CCND3: variants seen among roughly 807,000 people sequenced by gnomAD.
The protein encoded by CCND3 is G1/S-specific cyclin-D3.
A neutral mutation model predicts 28.7 loss-of-function variants in CCND3; 9 were observed. The observed-to-expected ratio is 0.31, with a 90% CI of 0.19 to 0.55. CCND3 has a LOEUF of 0.55. Among genes scored for constraint, CCND3 ranks in the 20% least tolerant of loss-of-function variants. The pLI is 0.93. For synonymous variants in CCND3, 164 were observed against 163.9 expected (o/e 1.00, Z 0.00); for missense variants, 315 against 385.8 (o/e 0.82, Z 1.54).
chr6:41,968,030 A>G (rs1422971633), intron 1 of CCND3, among the ~76,000 whole-genome samples: 1 of 152,208 alleles, frequency 6.6e-6, no homozygotes, highest in Non-Finnish European at 1.5e-5. Context: ...CTGAATGTAA[A>G]CCATCTTCAT....
chr6:42,035,378 C>A (rs558679943), intron 1 of CCND3, among the ~76,000 whole-genome samples: 1 of 151,744 alleles, frequency 6.6e-6, no homozygotes, highest in East Asian at 1.9e-4. Flanking sequence ...TTTCTTTTTT[C>A]TTTTTTTGAG....
intron 1 of CCND3, among the ~76,000 whole-genome samples, chr6:41,993,940 A>G (rs80351326): frequency 0.065 from 12 of 184 alleles, no homozygotes; most frequent in Admixed American, 0.5. Flanking sequence ...AAAAAAAAAA[A>G]AAAAAAAAAA....
intron 1 of CCND3, among the ~76,000 whole-genome samples, chr6:41,946,909 A>AC (rs1480244439): frequency 2.7e-5 from 4 of 149,836 alleles, no homozygotes; most frequent in African/African-American, 9.9e-5. Flanking sequence ...ACATGGCAAA[A>AC]CCCCATCTTT....
intron 1 of CCND3, among the ~76,000 whole-genome samples, chr6:42,047,684 T>A (rs1764586519): frequency 1.3e-5 from 2 of 152,158 alleles, no homozygotes. Flanking sequence ...AGACAGTGGA[T>A]TAAAGGGAGC....
Position 41,936,533 on chromosome 6 carries a change from C to T in CCND3, c.711+26G>A. ...TAGCACTACTTTATGAATGGAGAGG[C>T]TGCTGCCCAGCTACCCAGCACTCAC... On this transcript the variant is annotated intron_variant, in intron 4 of 4. Coordinates refer to ENST00000372991, the MANE Select transcript of CCND3 (RefSeq NM_001760.5). This position sits in a 1 kb window ranked among gnomAD's most constrained non-coding sequence, Gnocchi z 4.4. 1 of 1,612,594 alleles carries T rather than the reference C, an allele frequency of 6.2e-7. No individual in the cohort carries two copies. The highest frequency in any genetic ancestry group is 8.5e-7 in the Non-Finnish European group (1 of 1,179,118).
At chr6:41,969,320 T>C (rs113756602) in intron 1 of CCND3, among the ~76,000 whole-genome samples, 36,833 of 151,784 alleles carry the variant, frequency 0.24, 4,636 homozygotes, top group Middle Eastern at 0.34. Context: ...GAGACCATCC[T>C]GGCCAACCAA....
intron 1 of CCND3, among the ~76,000 whole-genome samples, chr6:42,035,557 C>T (rs756856114): frequency 2.0e-5 from 3 of 151,454 alleles, no homozygotes; most frequent in African/African-American, 4.9e-5. Flanking sequence ...TCAGTAGAGA[C>T]GGGGTTTCAC....
At chr6:41,961,903 T>C (rs1761728777) in intron 1 of CCND3, among the ~76,000 whole-genome samples, 1 of 152,130 alleles carries the variant, frequency 6.6e-6, no homozygotes, top group Non-Finnish European at 1.5e-5. Context: ...CATCATTCTT[T>C]CTCAGCTCCT....
intron 1 of CCND3, among the ~76,000 whole-genome samples, chr6:42,018,045 A>T (rs1053215571): frequency 1.3e-5 from 2 of 151,694 alleles, no homozygotes; most frequent in Admixed American, 1.3e-4. Context: ...GCTACTCAGG[A>T]GGCTGAGGCA....
At chr6:42,026,176 C>T (rs1459985404) in intron 1 of CCND3, among the ~76,000 whole-genome samples, 1 of 152,158 alleles carries the variant, frequency 6.6e-6, no homozygotes, top group Non-Finnish European at 1.5e-5. Context: ...CTCCCTGCCT[C>T]GACCCTGCTC....
At chr6:41,968,120 A>C (rs1237066827) in intron 1 of CCND3, among the ~76,000 whole-genome samples, 2 of 152,208 alleles carry the variant, frequency 1.3e-5, no homozygotes, top group African/African-American at 4.8e-5. Flanking sequence ...AAATGCTGAT[A>C]TCAATGAAGA....
intron 1 of CCND3, among the ~76,000 whole-genome samples, chr6:42,036,874 A>T (rs553419934): frequency 2.0e-4 from 31 of 152,278 alleles, no homozygotes; most frequent in South Asian, 1.7e-3. Context: ...TATACTTCTC[A>T]TTATTTTTGT....
intron 1 of CCND3, among the ~76,000 whole-genome samples, chr6:41,991,784 C>A (rs1326204573): frequency 1.3e-5 from 2 of 152,134 alleles, no homozygotes; most frequent in East Asian, 3.8e-4. Context: ...ATTTTCTGTT[C>A]TACTTTTTCC....
intron 1 of CCND3, among the ~76,000 whole-genome samples, chr6:41,977,986 C>CA (rs1762229383): frequency 1.3e-5 from 2 of 151,550 alleles, no homozygotes; most frequent in African/African-American, 4.9e-5. Flanking sequence ...GCTCAGGAGG[C>CA]AGAGGTTGCA....
intron 1 of CCND3, among the ~76,000 whole-genome samples, chr6:42,032,576 C>G (rs928333066): frequency 6.6e-6 from 1 of 152,258 alleles, no homozygotes; most frequent in Non-Finnish European, 1.5e-5. Flanking sequence ...GCCTAGACTG[C>G]CATGTTAAGT....
chr6:42,045,410 C>T (rs1024267243), intron 1 of CCND3, among the ~76,000 whole-genome samples: 1 of 152,150 alleles, frequency 6.6e-6, no homozygotes, highest in African/African-American at 2.4e-5. Flanking sequence ...GTGTTTACTA[C>T]CTAGAGTTGT....
intron 1 of CCND3, among the ~76,000 whole-genome samples, chr6:41,950,747 C>A (rs1372972415): frequency 1.4e-5 from 2 of 145,868 alleles, no homozygotes; most frequent in Middle Eastern, 3.4e-3. Context: ...CTCTCTCTGT[C>A]ACCCAGGCTG....
chr6:41,991,705 C>T (rs1762654597), intron 1 of CCND3, among the ~76,000 whole-genome samples: 2 of 152,126 alleles, frequency 1.3e-5, no homozygotes, highest in Non-Finnish European at 2.9e-5. Context: ...TCCTATGTAG[C>T]TGTAATTTTG....
intron 1 of CCND3, among the ~76,000 whole-genome samples, chr6:42,031,811 CTCTT>C (rs1046235838): frequency 2.2e-5 from 3 of 138,736 alleles, no homozygotes; most frequent in Non-Finnish European, 4.5e-5. Flanking sequence ...TTGCAACTGA[CTCTT>C]TTTTTTTTTT....
Sources: gnomAD v4.1 joint callset for allele counts (sites outside exome capture counted in the v4.1 genomes callset) on GRCh38, gnomAD v4.1.1 for gene constraint, Gnocchi (gnomAD v3.1) non-coding constraint, MANE v1.5 for transcripts, NCBI Gene and HGNC (gene_info 2026-07-23, HGNC 2026-07-21) for gene names.